SACM1L: variants seen among roughly 807,000 people sequenced by gnomAD.
SACM1L encodes the protein phosphatidylinositol-3-phosphatase SAC1.
Under a neutral mutation model 89.5 loss-of-function variants are expected in SACM1L, and 32 were observed. The ratio of observed to expected loss-of-function variants is 0.36; its 90% confidence interval spans 0.27 to 0.48. The LOEUF is 0.48. SACM1L is among the 20% of genes least tolerant of loss of function. The pLI, the probability that SACM1L is intolerant of heterozygous loss-of-function variation, is 0.99. For synonymous variants in SACM1L, 213 were observed against 232.8 expected, an observed-to-expected ratio of 0.92 and a Z score of 0.77; for missense variants, 543 against 708.5, an observed-to-expected ratio of 0.77 and a Z score of 2.65.
rs1699380777 is a variant in SACM1L at position 45,744,415 on chromosome 3, C to T, written c.*746C>T. ...TCTTACGCTAGAGGTCCAAAGCTGC[C>T]TCTGTTTTAAAGATTATCCCAATGT... is the stretch of plus-strand genomic sequence containing the variant. On this transcript the variant is annotated 3_prime_UTR_variant, in exon 20 of 20. Coordinates refer to ENST00000389061, the MANE Select transcript of SACM1L (RefSeq NM_014016.5). The T allele has an allele frequency of 6.6e-6, 1 of 152,548 alleles. No homozygotes were observed. The highest frequency in any genetic ancestry group is 1.5e-5 in the Non-Finnish European group (1 of 68,036). The allele number at this position is 152,548 out of a possible 1,614,324, so 9.4% of individuals were successfully genotyped here. A position where few individuals can be genotyped will look rare whatever the true frequency, so the allele number is the denominator to read the frequency against.
intron 5 of SACM1L, among the ~76,000 whole-genome samples, chr3:45,710,672 TCTTA>T (rs1444365094): frequency 6.6e-6 from 1 of 152,278 alleles, no homozygotes; most frequent in East Asian, 1.9e-4. Flanking sequence ...GGTCGCTCCA[TCTTA>T]CTTATTAGGT....
intron 7 of SACM1L, among the ~76,000 whole-genome samples, chr3:45,716,900 A>G (rs758471776): frequency 6.6e-6 from 1 of 152,166 alleles, no homozygotes; most frequent in African/African-American, 2.4e-5. Context: ...TGGATTCTCT[A>G]AAGTGTGTAG....
intron 7 of SACM1L, among the ~76,000 whole-genome samples, chr3:45,718,303 A>G (rs1165266006): frequency 6.6e-6 from 1 of 152,050 alleles, no homozygotes; most frequent in East Asian, 1.9e-4. Context: ...TTAAAAAAAA[A>G]AAAAAGTCAA....
intron 5 of SACM1L, 84 bp from the exon 6 acceptor site, chr3:45,713,053 A>C: frequency 9.0e-7 from 1 of 1,112,374 alleles, no homozygotes; most frequent in Non-Finnish European, 1.3e-6. Flanking sequence ...GCCATCAGAA[A>C]GAGACATTGA....
intron 1 of SACM1L, among the ~76,000 whole-genome samples, chr3:45,691,715 A>C (rs1432843916): frequency 6.6e-6 from 1 of 152,062 alleles, no homozygotes; most frequent in Non-Finnish European, 1.5e-5. Flanking sequence ...CCTAGTCTCA[A>C]GCGAGCCTCC....
chr3:45,690,722 CA>C (rs1413817016), intron 1 of SACM1L, among the ~76,000 whole-genome samples: 1 of 52,772 alleles, frequency 1.9e-5, no homozygotes, highest in African/African-American at 6.9e-5. Flanking sequence ...CTTCCCTCCA[CA>C]TTTTCCTCTC....
intron 3 of SACM1L, among the ~76,000 whole-genome samples, chr3:45,706,231 T>C (rs1698388237): frequency 1.3e-5 from 2 of 152,152 alleles, no homozygotes; most frequent in South Asian, 4.1e-4. Flanking sequence ...AAGGTCAGGA[T>C]TGGTGTATTG....
chr3:45,743,333 C>T (rs570269504), intron 19 of SACM1L, among the ~76,000 whole-genome samples, 200 bp from the exon 20 acceptor site: 23 of 152,276 alleles, frequency 1.5e-4, no homozygotes, highest in African/African-American at 5.5e-4. Flanking sequence ...ACAGTTGATG[C>T]TTTATCAAGC....
chr3:45,724,032 A>G (rs1000570153), intron 11 of SACM1L, among the ~76,000 whole-genome samples: 12 of 152,034 alleles, frequency 7.9e-5, no homozygotes, highest in Admixed American at 5.9e-4. Context: ...ATTGATGGAC[A>G]TTTGGGTTGT....
At chr3:45,742,520 C>G (rs779188827) in intron 19 of SACM1L, among the ~76,000 whole-genome samples, 25 of 152,146 alleles carry the variant, frequency 1.6e-4, no homozygotes, top group South Asian at 8.3e-4. Flanking sequence ...AGTAGTGTTG[C>G]AGAGAGAGAA....
At chr3:45,712,240 A>G (rs376134809) in intron 5 of SACM1L, among the ~76,000 whole-genome samples, 3 of 151,866 alleles carry the variant, frequency 2.0e-5, no homozygotes, top group East Asian at 3.9e-4. Flanking sequence ...AGAGTCAGTT[A>G]TTTTGTTTGT....
At chr3:45,690,479 T>G (rs1697951647) in intron 1 of SACM1L, 1 of 152,232 alleles carries the variant, frequency 6.6e-6, no homozygotes, top group Non-Finnish European at 1.5e-5. Flanking sequence ...ACCGCATTTC[T>G]TTTGCAGGGA....
chr3:45,706,752 TTATG>T, intron 3 of SACM1L, 24 bp from the exon 4 acceptor site: 4 of 1,554,976 alleles, frequency 2.6e-6, no homozygotes, highest in Non-Finnish European at 2.6e-6. Flanking sequence ...ATTTTTATAA[TTATG>T]TGTGTTTGGC....
chr3:45,709,693 G>T lies in SACM1L; in HGVS notation c.483+46G>T, dbSNP rs1307559616. 3 of 1,527,966 alleles carry T rather than the reference G, an allele frequency of 2.0e-6. No individual in the cohort carries two copies. In the South Asian group the frequency reaches 3.6e-5, roughly 19 times the overall value. The allele number at this position is 1,527,966 out of a possible 1,614,324, so 94.7% of individuals were successfully genotyped here. ...TTTTTATTTTTAGGTTTTTAAAAGG[G>T]ACATGTCTCTGTTTCATGCATAAAA... is the stretch of plus-strand genomic sequence containing the variant. On this transcript the variant is annotated intron_variant, in intron 5 of 19. Coordinates refer to ENST00000389061, the MANE Select transcript of SACM1L (RefSeq NM_014016.5).
At chr3:45,696,053 A>G (rs565080998) in intron 1 of SACM1L, among the ~76,000 whole-genome samples, 33 of 146,458 alleles carry the variant, frequency 2.3e-4, no homozygotes, top group Admixed American at 4.2e-4. Context: ...GCTGGAGTAC[A>G]GTGGTGCGAT....
intron 1 of SACM1L, among the ~76,000 whole-genome samples, chr3:45,693,600 A>G (rs1231114698): frequency 1.3e-5 from 2 of 152,242 alleles, no homozygotes; most frequent in African/African-American, 4.8e-5. Context: ...AAGCCATGGT[A>G]GAGCTAGCCT....
At chr3:45,713,218 C>G (rs748786879) in intron 6 of SACM1L, 22 bp downstream of exon 6, 8 of 1,588,874 alleles carry the variant, frequency 5.0e-6, no homozygotes, top group South Asian at 4.5e-5. Flanking sequence ...GAAATAAAAT[C>G]TGCTTAATTG....
chr3:45,705,310 T>C, intron 3 of SACM1L, 101 bp downstream of exon 3: 1 of 611,808 alleles, frequency 1.6e-6, no homozygotes, highest in South Asian at 2.5e-5. Context: ...CTTTGTATCA[T>C]GCTTTAAGCA....
intron 11 of SACM1L, among the ~76,000 whole-genome samples, chr3:45,724,577 TC>T (rs749371978): frequency 2.9e-4 from 44 of 152,282 alleles, no homozygotes; most frequent in Middle Eastern, 3.4e-3. Flanking sequence ...ACAAATATTT[TC>T]TCCCACTCTT....
Sources: allele counts gnomAD v4.1 joint callset (sites outside exome capture counted in the v4.1 genomes callset), GRCh38; gene constraint gnomAD v4.1.1; transcripts MANE v1.5; gene names NCBI Gene and HGNC (gene_info 2026-07-23, HGNC 2026-07-21).